CSPG4: variants seen among roughly 807,000 people sequenced by gnomAD.
The protein encoded by CSPG4 is chondroitin sulfate proteoglycan 4 (melanoma-associated).
A neutral mutation model predicts 139.3 loss-of-function variants in CSPG4; 74 were observed. That is an observed-to-expected ratio of 0.53 (90% CI 0.44 to 0.64). The LOEUF is 0.64. CSPG4 is among the 30% of genes least tolerant of loss of function. The pLI, the probability that CSPG4 is intolerant of heterozygous loss-of-function variation, is 0.00. For missense variants in CSPG4, 2,565 were observed against 3,148.3 expected (o/e 0.81, Z 4.43); for synonymous variants, 1,234 against 1,394.2 (o/e 0.89, Z 2.56).
chr15:75,682,610 G>T lies in CSPG4; in HGVS notation c.4780C>A (p.Pro1594Thr), dbSNP rs1166398832. ...LKGSQTLTVC[P>T]GSVQPLSSQT... ...TGCCCATGATCAGCACACCCACCTG[G>T]GCAGACAGTCAGTGTCTGGCTGCCC... is the stretch of plus-strand genomic sequence containing the variant. Residue 1594 changes from proline (P) to threonine (T), a missense_variant, in exon 7 of 10, where the codon CCA becomes ACA. Pro to Thr is a conservative substitution (Grantham distance 38). Coordinates refer to ENST00000308508, the MANE Select transcript of CSPG4 (RefSeq NM_001897.5). The T allele has an allele frequency of 1.2e-6, 2 of 1,612,956 alleles. No homozygotes were observed. The highest frequency in any genetic ancestry group is 1.7e-6 in the Non-Finnish European group (2 of 1,179,992).
chr15:75,690,777 C>G lies in CSPG4; in HGVS notation c.288G>C (p.Leu96=). 1 of 1,612,242 alleles carries G rather than the reference C, an allele frequency of 6.2e-7. No individual in the cohort carries two copies. Among genetic ancestry groups the G allele is most frequent in the Non-Finnish European group, 8.5e-7 (1 of 1,179,350 alleles). ...RLVLGQEELR[L]QTPAETLLSD... ...TCAGCAGCGTCTCTGCTGGAGTCTG[C>G]AGCCTCAGCTCCTCCTGGCCCAGAA... Residue 96 remains leucine, a synonymous_variant, in exon 3 of 10, where the codon CTG becomes CTC. Coordinates refer to ENST00000308508, the MANE Select transcript of CSPG4 (RefSeq NM_001897.5).
chr15:75,702,710 G>C (rs1274221891), intron 1 of CSPG4, among the ~76,000 whole-genome samples: 1 of 152,274 alleles, frequency 6.6e-6, no homozygotes, highest in Non-Finnish European at 1.5e-5. Flanking sequence ...GGGACTGCCA[G>C]AGCCAGAGAC....
At position 75,676,546 on chromosome 15, in the gene CSPG4, C is replaced by A; in HGVS notation, c.5973G>T (p.Leu1991=). 1 of 1,613,754 alleles carries A rather than the reference C, an allele frequency of 6.2e-7. No individual in the cohort carries two copies. The highest frequency in any genetic ancestry group is 8.5e-7 in the Non-Finnish European group (1 of 1,179,960). ...AGGCCGAGGTGGGCCGCCCGCCCAC[C>A]AGGAGATGCCCATACTGGGGTCCCT... ...LIQGPQYGHL[L]VGGRPTSAFS... The change falls in exon 10 of 10, where the codon CTG becomes CTT. Residue 1991 remains leucine, a synonymous_variant. Transcript: ENST00000308508.
chr15:75,712,647 G>T (rs1894461356), intron 1 of CSPG4, 21 bp downstream of exon 1: 1 of 1,550,270 alleles, frequency 6.5e-7, no homozygotes, highest in Non-Finnish European at 8.7e-7. Context: ...GCTGGGTCGG[G>T]GTCTCAGGCC....
intron 1 of CSPG4, among the ~76,000 whole-genome samples, chr15:75,693,825 C>T (rs1894194146): frequency 6.6e-6 from 1 of 152,228 alleles, no homozygotes; most frequent in African/African-American, 2.4e-5. Flanking sequence ...GCATGGCCCA[C>T]CTATCCCCGC....
In CSPG4 at chr15:75,689,557, T is replaced by G; in HGVS notation, c.1508A>C (p.Lys503Thr). 6.2e-7 allele frequency: 1 copy of G among 1,612,716 alleles called. No homozygotes were observed. Among genetic ancestry groups the G allele is most frequent in the African/African-American group, 1.3e-5 (1 of 75,062 alleles). ...MFTLLDVVNR[K>T]ARFIHDGSED... ...AGAGCCATCGTGGATGAAGCGGGCCTTGCGGTTCACCACGTCCAGGAGGGT... is the reference window on the plus strand; with the variant it reads ...AGAGCCATCGTGGATGAAGCGGGCCGTGCGGTTCACCACGTCCAGGAGGGT... Residue 503 changes from lysine to threonine, a missense_variant, in exon 3 of 10, where the codon AAG becomes ACG. Transcript: ENST00000308508.
rs1338495162 is a variant in CSPG4 at position 75,712,836 on chromosome 15, T to TG, written c.-82dup. 7.4e-5 allele frequency: 93 copies of TG among 1,253,118 alleles called. No homozygotes were observed. The highest frequency in any genetic ancestry group is 1.7e-5 in the Non-Finnish European group (16 of 937,588). 77.6% of individuals were successfully genotyped at this position (1,253,118 alleles called of 1,614,324 possible). ...GAGCTGAGTGGAGCGAGCGCGGCTC[T>TG]GCTCCTGGGCGCGGGCCGGCTCCGG... On this transcript the variant is annotated 5_prime_UTR_variant, in exon 1 of 10. Transcript: ENST00000308508.
At chr15:75,711,890 G>T (rs1317744256) in intron 1 of CSPG4, among the ~76,000 whole-genome samples, 72 of 151,716 alleles carry the variant, frequency 4.7e-4, no homozygotes, top group Admixed American at 1.9e-3. Context: ...AGCACTTCTC[G>T]GAAAGCGAAC....
In CSPG4 at chr15:75,677,694, G is replaced by A. The variant is rs1326439115; in HGVS notation, c.5134+9C>T. On this transcript the variant is annotated intron_variant, in intron 9 of 9. Coordinates refer to ENST00000308508, the MANE Select transcript of CSPG4 (RefSeq NM_001897.5). ...CCCCACAATCTTGCCAGCTTATCAT[G>A]CTGTTCACCTTTGTTCTTCCAGAGG... The A allele has an allele frequency of 1.9e-6, 3 of 1,586,872 alleles. No individual in the cohort carries two copies. In the Admixed American group the frequency reaches 5.5e-5, roughly 29 times the overall value.
intron 2 of CSPG4, among the ~76,000 whole-genome samples, chr15:75,692,626 G>A (rs535196500): frequency 1.3e-5 from 2 of 152,222 alleles, no homozygotes; most frequent in Non-Finnish European, 1.5e-5. Flanking sequence ...GTGCCACCGG[G>A]ATGCACAGGG....
In CSPG4 at chr15:75,712,807, C is replaced by G; in HGVS notation, c.-52G>C. Reference sequence around the variant, plus strand: ...CGAGGAGCCAGCGGAGTCCTGGGAGCTGGGAGCTGAGTGGAGCGAGCGCGG... The same window carrying G: ...CGAGGAGCCAGCGGAGTCCTGGGAGGTGGGAGCTGAGTGGAGCGAGCGCGG... On this transcript the variant is annotated 5_prime_UTR_variant, in exon 1 of 10. Coordinates refer to ENST00000308508, the MANE Select transcript of CSPG4 (RefSeq NM_001897.5). 1 of 1,469,174 alleles carries G rather than the reference C, an allele frequency of 6.8e-7. No homozygotes were observed. Among genetic ancestry groups the G allele is most frequent in the Non-Finnish European group, 9.1e-7 (1 of 1,097,524 alleles). 91.0% of individuals were successfully genotyped at this position (1,469,174 alleles called of 1,614,324 possible).
chr15:75,681,143 T>G (rs946534351), intron 8 of CSPG4, among the ~76,000 whole-genome samples: 1 of 152,126 alleles, frequency 6.6e-6, no homozygotes, highest in Non-Finnish European at 1.5e-5. Flanking sequence ...GAGGGGGCCA[T>G]AGCAGGAGTG....
At chr15:75,702,581 C>T (rs998658047) in intron 1 of CSPG4, among the ~76,000 whole-genome samples, 2 of 152,154 alleles carry the variant, frequency 1.3e-5, no homozygotes. Flanking sequence ...CCTCTGGGAG[C>T]TCGCCCCAGC....
chr15:75,691,326 C>T (rs1894163517), intron 2 of CSPG4, among the ~76,000 whole-genome samples: 1 of 152,236 alleles, frequency 6.6e-6, no homozygotes, highest in Non-Finnish European at 1.5e-5. Context: ...AACTCTGGGC[C>T]AGGGCTGGAT....
chr15:75,675,542 G>C lies in CSPG4; in HGVS notation c.*8C>G. 4 of 1,482,730 alleles carry C rather than the reference G, an allele frequency of 2.7e-6. No homozygotes were observed. Among genetic ancestry groups the C allele is most frequent in the Non-Finnish European group, 3.6e-6 (4 of 1,115,480 alleles). The allele number at this position is 1,482,730 out of a possible 1,614,324, so 91.8% of individuals were successfully genotyped here. ...TGGCCCGATCAGCATCTGGGCCCAG[G>C]CCAGGCCTCACACCCAGTACTGGCC... On this transcript the variant is annotated 3_prime_UTR_variant, in exon 10 of 10. Coordinates refer to ENST00000308508, the MANE Select transcript of CSPG4 (RefSeq NM_001897.5).
upstream of CSPG4, among the ~76,000 whole-genome samples, chr15:75,713,284 C>T (rs534992959): frequency 4.3e-4 from 65 of 152,284 alleles, no homozygotes; most frequent in Admixed American, 7.2e-4. Context: ...CGGAGGTCCC[C>T]TAGGAACTTC....
intron 1 of CSPG4, among the ~76,000 whole-genome samples, chr15:75,704,789 G>A (rs1213329306): frequency 6.6e-6 from 1 of 152,176 alleles, no homozygotes; most frequent in Non-Finnish European, 1.5e-5. Context: ...AGAGCGGAGA[G>A]GGCTGTCCCC....
chr15:75,697,081 C>T (rs913343237), intron 1 of CSPG4, among the ~76,000 whole-genome samples: 5 of 152,248 alleles, frequency 3.3e-5, no homozygotes, highest in Non-Finnish European at 5.9e-5. Flanking sequence ...CCCCACCTTC[C>T]CCAGCCAGGC....
intron 8 of CSPG4, chr15:75,680,835 C>T (rs1171968958): frequency 6.5e-6 from 1 of 153,178 alleles, no homozygotes; most frequent in African/African-American, 2.4e-5. Flanking sequence ...GGGCTGCTGT[C>T]AAGACAATAC....
Sources: gnomAD v4.1 joint callset for allele counts (sites outside exome capture counted in the v4.1 genomes callset) on GRCh38, gnomAD v4.1.1 for gene constraint, MANE v1.5 for transcripts, NCBI Gene and HGNC (gene_info 2026-07-23, HGNC 2026-07-21) for gene names.